The following VPS28 variants were observed in gnomAD, a reference collection of about 807,000 sequenced individuals.
VPS28 encodes the protein VPS28 subunit of ESCRT-I.
Under a neutral mutation model 33.7 loss-of-function variants are expected in VPS28, and 29 were observed. That is an observed-to-expected ratio of 0.86 (90% CI 0.64 to 1.17). The LOEUF (loss-of-function observed/expected upper bound fraction) is 1.17, where lower values mean the gene tolerates loss of function less well. Ranked by LOEUF, VPS28 falls within the 50% of genes most tolerant of loss-of-function variation. The pLI is 0.00. For missense variants in VPS28, 247 were observed against 312.2 expected (o/e 0.79, Z 1.57); for synonymous variants, 164 against 116.7 (o/e 1.40, Z -2.61).
chr8:144,425,661 C>A (rs782620374), intron 5 of VPS28, 22 bp downstream of exon 5: 28 of 1,612,784 alleles, frequency 1.7e-5, no homozygotes, highest in Non-Finnish European at 2.2e-5. Flanking sequence ...AGGAACAGAC[C>A]TCCCAGGACG....
rs372609153 is a variant in VPS28 at position 144,424,473 on chromosome 8, C to T, written c.403-205G>A. ...GAACTGAAGGGTGGGCCCACACCCACACTCTCTCCCGAGGCCAGGACCCCG... is the reference window on the plus strand; with the variant it reads ...GAACTGAAGGGTGGGCCCACACCCATACTCTCTCCCGAGGCCAGGACCCCG... On this transcript the variant is annotated intron_variant, in intron 7 of 9. Transcript: ENST00000292510. The T allele has an allele frequency of 9.9e-6, 8 of 804,932 alleles. No individual in the cohort carries two copies. The South Asian group carries it at 1.5e-4, about 15-fold the overall frequency. 49.9% of individuals were successfully genotyped at this position (804,932 alleles called of 1,614,324 possible). A position where few individuals can be genotyped will look rare whatever the true frequency, so the allele number is the denominator to read the frequency against.
In VPS28 at chr8:144,423,686, C is replaced by G. The variant is rs1428975295; in HGVS notation, c.*119G>C. On this transcript the variant is annotated 3_prime_UTR_variant, in exon 10 of 10. Transcript: ENST00000292510. ...AAAGTTCTGACACCAAAGACAGACA[C>G]CAGACAGGCAGCTGCAGACAGTGAG... 3.0e-6 allele frequency: 4 copies of G among 1,327,250 alleles called. No homozygotes were observed. Among genetic ancestry groups the G allele is most frequent in the Non-Finnish European group, 4.2e-6 (4 of 950,582 alleles). The allele number at this position is 1,327,250 out of a possible 1,614,324, so 82.2% of individuals were successfully genotyped here. A position where few individuals can be genotyped will look rare whatever the true frequency, so the allele number is the denominator to read the frequency against.
chr8:144,425,204 T>C, intron 5 of VPS28, 153 bp from the exon 6 acceptor site: 1 of 674,808 alleles, frequency 1.5e-6, no homozygotes, highest in South Asian at 1.8e-5. Flanking sequence ...CTAGTAGCTT[T>C]TGGGGGTGAG....
Position 144,424,996 on chromosome 8 carries a change from C to T in VPS28, c.250G>A (p.Val84Ile), listed in dbSNP as rs1554876345. The change falls in exon 6 of 10, where the codon GTC (valine) becomes ATC (isoleucine). Residue 84 changes from valine (V) to isoleucine (I), a missense_variant. Val to Ile is a conservative substitution (Grantham distance 29, BLOSUM62 3). Around this residue, in one of 3 missense-constraint regions of VPS28, gnomAD observed 149 missense variants for 172.8 expected, o/e 0.86. Coordinates refer to ENST00000292510, the MANE Select transcript of VPS28 (RefSeq NM_016208.4). ...ATAGAGCTGATTTCTGAGCCCTGGA[C>T]CTGCCTGAAGGCAGCTTTGTATTGG... ...LVQYKAAFRQ[V>I]QGSEISSIDE... is the part of the protein sequence containing the mutation. 6.4e-7 allele frequency: 1 copy of T among 1,557,396 alleles called. No individual in the cohort carries two copies.
In VPS28 at chr8:144,424,010, G is replaced by A. The variant is rs149066828; in HGVS notation, c.548+31C>T. The A allele has an allele frequency of 1.3e-3, 2,071 of 1,603,028 alleles. 2 individuals are homozygous for A. Among genetic ancestry groups the A allele is most frequent in the Non-Finnish European group, 1.7e-3 (1,958 of 1,172,790 alleles). On this transcript the variant is annotated intron_variant, in intron 9 of 9. Coordinates refer to ENST00000292510, the MANE Select transcript of VPS28 (RefSeq NM_016208.4). ...TGGCTGGGAGGGTCTCGGGCACTGC[G>A]GGGCTCTGCCTGGCTGGGAGGGACA...
In VPS28 at chr8:144,424,743, T is replaced by C. The variant is rs1368271919; in HGVS notation, c.377A>G (p.Asn126Ser). The C allele has an allele frequency of 6.2e-7, 1 of 1,611,674 alleles. No homozygotes were observed. The highest frequency in any genetic ancestry group is 8.5e-7 in the Non-Finnish European group (1 of 1,179,760). ...ITIKDDKGNL[N>S]RCIADVVSLF... is the part of the protein sequence containing the mutation. ...CGAGACCACGTCTGCGATGCAGCGGTTGAGGTTGCCCTTGTCGTCCTTGAT... is the reference window on the plus strand; with the variant it reads ...CGAGACCACGTCTGCGATGCAGCGGCTGAGGTTGCCCTTGTCGTCCTTGAT... Residue 126 changes from asparagine (N) to serine (S), a missense_variant, in exon 7 of 10, where the codon AAC becomes AGC. This residue lies in a region of VPS28 where 149 missense variants were observed against 172.8 expected (regional missense o/e 0.86). Transcript: ENST00000292510.
chr8:144,425,598 G>C, intron 5 of VPS28, 85 bp downstream of exon 5: 1 of 1,467,172 alleles, frequency 6.8e-7, no homozygotes, highest in South Asian at 1.2e-5. Flanking sequence ...GTGCCTCCCA[G>C]CCTGACAGAC....
intron 5 of VPS28, chr8:144,425,333 C>G (rs1418904751): frequency 3.5e-6 from 2 of 578,330 alleles, no homozygotes; most frequent in African/African-American, 3.7e-5. Context: ...GCATCCACAG[C>G]TCATGGTCCT....
chr8:144,423,934 G>C lies in VPS28; in HGVS notation c.549-12C>G, dbSNP rs1554875845. The C allele has an allele frequency of 1.2e-6, 2 of 1,613,122 alleles. No individual in the cohort carries two copies. The highest frequency in any genetic ancestry group is 2.2e-5 in the East Asian group (1 of 44,888). On this transcript the variant is annotated splice_polypyrimidine_tract_variant and intron_variant, in intron 9 of 9. Transcript: ENST00000292510. The stretch of plus-strand genomic sequence containing the variant: ...TCAGGGTCTGCAGCCTGGGAGTGCA[G>C]CACAGGGCATGTGGGGGCTGAGGGC...
At chr8:144,425,322 C>A in intron 5 of VPS28, 1 of 580,404 alleles carries the variant, frequency 1.7e-6, no homozygotes, top group Non-Finnish European at 3.1e-6. Flanking sequence ...TTGTGATGGC[C>A]GCATCCACAG....
chr8:144,424,482 C>A, intron 7 of VPS28: 1 of 811,700 alleles, frequency 1.2e-6, no homozygotes, highest in Non-Finnish European at 1.9e-6. Context: ...ACACTCTCTC[C>A]CGAGGCCAGG....
At chr8:144,424,586 TA>T in intron 7 of VPS28, 131 bp downstream of exon 7, 1 of 1,046,138 alleles carries the variant, frequency 9.6e-7, no homozygotes, top group East Asian at 2.5e-5. Flanking sequence ...CATTCCTAGT[TA>T]AAGGGGTTCC....
In VPS28 at chr8:144,424,118, C is replaced by A; in HGVS notation, c.471G>T (p.Leu157=). 6.5e-7 allele frequency: 1 copy of A among 1,549,978 alleles called. No individual in the cohort carries two copies. Among genetic ancestry groups the A allele is most frequent in the Non-Finnish European group, 8.7e-7 (1 of 1,144,558 alleles). The change falls in exon 9 of 10, where the codon CTG becomes CTT. Residue 157 remains leucine, a synonymous_variant. Coordinates refer to ENST00000292510, the MANE Select transcript of VPS28 (RefSeq NM_016208.4). ...IRAMDEIQPD[L]RELMETMHRM... ...GGTGCATGGTCTCCATCAGCTCTCG[C>A]AGGTCGGGCTGGATCTGAGACACAC... is the stretch of plus-strand genomic sequence containing the variant.
Position 144,424,270 on chromosome 8 carries a change from T to C in VPS28, c.403-2A>G, listed in dbSNP as rs113427978. The C allele has an allele frequency of 6.2e-7, 1 of 1,600,178 alleles. No individual in the cohort carries two copies. The highest frequency in any genetic ancestry group is 8.5e-7 in the Non-Finnish European group (1 of 1,172,374). On this transcript the variant is annotated splice_acceptor_variant, in intron 7 of 9. Coordinates refer to ENST00000292510, the MANE Select transcript of VPS28 (RefSeq NM_016208.4). LOFTEE classifies it high-confidence loss of function. ...CTTGTCCATGACCGTGATGAAGAGCTGGGGGCAGGTGTGCACATGAGGCTC... is the reference window on the plus strand; with the variant it reads ...CTTGTCCATGACCGTGATGAAGAGCCGGGGGCAGGTGTGCACATGAGGCTC...
chr8:144,425,590 G>A, intron 5 of VPS28, 93 bp downstream of exon 5: 1 of 1,355,722 alleles, frequency 7.4e-7, no homozygotes, highest in Non-Finnish European at 1.0e-6. Context: ...ACAAGTGGGT[G>A]CCTCCCAGCC....
intron 5 of VPS28, chr8:144,425,321 C>T (rs782074377): frequency 9.1e-6 from 5 of 547,706 alleles, no homozygotes; most frequent in African/African-American, 1.9e-5. Flanking sequence ...GTTGTGATGG[C>T]CGCATCCACA....
At chr8:144,424,190 C>G in intron 8 of VPS28, 25 bp downstream of exon 8, 1 of 1,578,226 alleles carries the variant, frequency 6.3e-7, no homozygotes, top group Non-Finnish European at 8.6e-7. Context: ...CCTGCCTAGG[C>G]CCCCTGCCAG....
intron 2 of VPS28, chr8:144,426,676 C>T (rs1296779219): frequency 1.3e-5 from 7 of 530,306 alleles, no homozygotes; most frequent in Admixed American, 6.9e-5. Flanking sequence ...GGACCCCCAC[C>T]GTTCTGGCCA....
intron 7 of VPS28, 39 bp downstream of exon 7, chr8:144,424,679 C>CT (rs1564717937): frequency 6.2e-7 from 1 of 1,601,152 alleles, no homozygotes; most frequent in East Asian, 2.2e-5. Flanking sequence ...CAGGCAGCCT[C>CT]GGCTCTCCTA....
Sources: allele counts gnomAD v4.1 joint callset, GRCh38; gene constraint gnomAD v4.1.1; regional missense constraint gnomAD v4.1.1; transcripts MANE v1.5; gene names NCBI Gene and HGNC (gene_info 2026-07-23, HGNC 2026-07-21).